The following LINGO2 variants were observed in gnomAD, a reference collection of about 807,000 sequenced individuals.
The protein encoded by LINGO2 is leucine-rich repeat and immunoglobulin-like domain-containing nogo receptor-interacting protein 2.
Under a neutral mutation model 30.6 loss-of-function variants are expected in LINGO2, and 14 were observed. That is an observed-to-expected ratio of 0.46 (90% CI 0.30 to 0.72). The LOEUF (loss-of-function observed/expected upper bound fraction) is 0.72. Among genes scored for constraint, LINGO2 ranks in the 30% least tolerant of loss-of-function variants. LINGO2 has a pLI of 0.07. For synonymous variants in LINGO2, 317 were observed against 288.5 expected (o/e 1.10, Z -1.00); for missense variants, 729 against 751.7 (o/e 0.97, Z 0.35).
chr9:29,083,859 A>G, the LINGO2 span, among the ~76,000 whole-genome samples: 2 of 152,090 alleles, frequency 1.3e-5, no homozygotes, highest in African/African-American at 4.8e-5. Context: ...CCAGGATGGC[A>G]ATAAAAGGAT....
chr9:28,021,666 C>T (rs1823130721), intron 4 of LINGO2, among the ~76,000 whole-genome samples: 1 of 152,002 alleles, frequency 6.6e-6, no homozygotes, highest in Non-Finnish European at 1.5e-5. Context: ...TATTTTGATG[C>T]TTTGTGGTTA....
the LINGO2 span, among the ~76,000 whole-genome samples, chr9:28,689,713 C>T: frequency 2.0e-5 from 3 of 152,036 alleles, no homozygotes. Context: ...TGGGTATATA[C>T]CCAAGGTAAT....
At chr9:28,146,594 T>C (rs1452492442) in intron 4 of LINGO2, among the ~76,000 whole-genome samples, 1 of 152,120 alleles carries the variant, frequency 6.6e-6, no homozygotes, top group Non-Finnish European at 1.5e-5. Flanking sequence ...CTTTTAATAA[T>C]ATCTTTGAAT....
At chr9:29,006,248 G>T in the LINGO2 span, among the ~76,000 whole-genome samples, 1 of 151,900 alleles carries the variant, frequency 6.6e-6, no homozygotes, top group Admixed American at 6.6e-5. Flanking sequence ...AACAAACGGG[G>T]AATTATTTGA....
chr9:28,788,405 G>A, the LINGO2 span, among the ~76,000 whole-genome samples: 2 of 152,172 alleles, frequency 1.3e-5, no homozygotes, highest in African/African-American at 4.8e-5. Flanking sequence ...CAATTTGTTA[G>A]AAATACATAC....
the LINGO2 span, among the ~76,000 whole-genome samples, chr9:28,837,968 G>A: frequency 4.7e-4 from 71 of 151,766 alleles, no homozygotes; most frequent in African/African-American, 1.7e-3. Flanking sequence ...AAAGAACAAA[G>A]TTCTATAAAA....
chr9:28,585,083 A>C (rs545907454), intron 1 of LINGO2, among the ~76,000 whole-genome samples: 2 of 152,166 alleles, frequency 1.3e-5, no homozygotes, highest in Non-Finnish European at 1.5e-5. Flanking sequence ...TCATCACAGA[A>C]GTATAATCAA....
At chr9:28,299,404 A>G (rs1336520923) in intron 3 of LINGO2, among the ~76,000 whole-genome samples, 1 of 152,102 alleles carries the variant, frequency 6.6e-6, no homozygotes, top group Non-Finnish European at 1.5e-5. Flanking sequence ...TTTTAGGGAA[A>G]GGGTAGGTTT....
chr9:28,873,563 A>G, the LINGO2 span, among the ~76,000 whole-genome samples: 1 of 152,016 alleles, frequency 6.6e-6, no homozygotes, highest in Non-Finnish European at 1.5e-5. Flanking sequence ...CCTTGGCATT[A>G]CTTTGATTGG....
chr9:28,348,393 C>T (rs999948748), intron 3 of LINGO2, among the ~76,000 whole-genome samples: 1 of 152,098 alleles, frequency 6.6e-6, no homozygotes, highest in Non-Finnish European at 1.5e-5. Flanking sequence ...TGACGGACTG[C>T]ACCTGGAAAA....
chr9:27,956,798 G>T (rs1005981033), intron 5 of LINGO2, among the ~76,000 whole-genome samples: 1 of 152,106 alleles, frequency 6.6e-6, no homozygotes. Flanking sequence ...TTCTTAAAAA[G>T]ACTTTCCTTT....
At chr9:28,579,910 C>CGA in intron 1 of LINGO2, among the ~76,000 whole-genome samples, 1 of 152,050 alleles carries the variant, frequency 6.6e-6, no homozygotes, top group Admixed American at 6.6e-5. Context: ...GAGGGAAGCA[C>CGA]GAGAGCACAT....
intron 1 of LINGO2, among the ~76,000 whole-genome samples, chr9:28,478,637 T>G (rs1825816136): frequency 6.6e-6 from 1 of 152,132 alleles, no homozygotes; most frequent in South Asian, 2.1e-4. Flanking sequence ...AAAAATACTA[T>G]TATAACAATA....
At chr9:27,948,105 T>C (rs565675590) in exon 6 of LINGO2, 1 of 152,318 alleles carries the variant, frequency 6.6e-6, no homozygotes, top group East Asian at 1.9e-4. Context: ...GCACATGCCT[T>C]TATTTATAGT....
intron 4 of LINGO2, among the ~76,000 whole-genome samples, chr9:28,155,810 T>G (rs1160999586): frequency 2.0e-5 from 3 of 152,142 alleles, no homozygotes; most frequent in Admixed American, 6.6e-5. Context: ...TTCCTTTCAT[T>G]ATAAAATAGA....
At chr9:28,493,960 C>T (rs555247197) in intron 1 of LINGO2, among the ~76,000 whole-genome samples, 44 of 152,178 alleles carry the variant, frequency 2.9e-4, no homozygotes, top group African/African-American at 9.9e-4. Context: ...TTGCAGATGG[C>T]CTATTGTGGA....
At chr9:28,538,650 A>G (rs1821538925) in intron 1 of LINGO2, among the ~76,000 whole-genome samples, 3 of 152,172 alleles carry the variant, frequency 2.0e-5, no homozygotes, top group Non-Finnish European at 4.4e-5. Flanking sequence ...AGGTTCTGGC[A>G]TGTGCTGAGG....
intron 1 of LINGO2, among the ~76,000 whole-genome samples, chr9:28,522,287 G>T (rs1001649515): frequency 8.5e-5 from 13 of 152,118 alleles, no homozygotes; most frequent in African/African-American, 3.1e-4. Flanking sequence ...CTATCATTGT[G>T]GGCAACAAAG....
chr9:28,869,088 T>C, the LINGO2 span, among the ~76,000 whole-genome samples: 1 of 152,066 alleles, frequency 6.6e-6, no homozygotes, highest in African/African-American at 2.4e-5. Context: ...TCAGGCATAG[T>C]TAGAACACTG....
Sources: allele counts gnomAD v4.1 joint callset (sites outside exome capture counted in the v4.1 genomes callset), GRCh38; gene constraint gnomAD v4.1.1; transcripts MANE v1.5; gene names NCBI Gene and HGNC (gene_info 2026-07-23, HGNC 2026-07-21).